The following PSD3 variants were observed in gnomAD, a reference collection of about 807,000 sequenced individuals.
The protein encoded by PSD3 is PH and SEC7 domain-containing protein 3.
A neutral mutation model predicts 105.5 loss-of-function variants in PSD3; 49 were observed. The ratio of observed to expected loss-of-function variants is 0.46; its 90% CI spans 0.37 to 0.59. PSD3 has a LOEUF of 0.59. PSD3 is among the 20% of genes least tolerant of loss of function. The pLI, the probability that PSD3 is intolerant of heterozygous loss-of-function variation, is 0.00. For missense variants in PSD3, 1,561 were observed against 1,263.8 expected (o/e 1.24, Z -3.57); for synonymous variants, 557 against 457.8 (o/e 1.22, Z -2.77).
At chr8:18,543,308 A>G in intron 15 of PSD3, among the ~76,000 whole-genome samples, 1 of 152,034 alleles carries the variant, frequency 6.6e-6, no homozygotes, top group East Asian at 1.9e-4. Context: ...ATCTTCGATT[A>G]TCTGTAAAAA....
chr8:18,708,431 GA>G (rs1347025391), intron 9 of PSD3, among the ~76,000 whole-genome samples: 1 of 150,614 alleles, frequency 6.6e-6, no homozygotes, highest in Non-Finnish European at 1.5e-5. Context: ...GCCTGGGATT[GA>G]AAAAAAAATT....
chr8:18,840,102 T>C (rs1165751829), intron 4 of PSD3, among the ~76,000 whole-genome samples: 1 of 152,178 alleles, frequency 6.6e-6, no homozygotes, highest in East Asian at 1.9e-4. Flanking sequence ...TGTTGTTCTC[T>C]AGGTCTTGAG....
At chr8:18,616,012 C>T (rs1222819192) in intron 11 of PSD3, among the ~76,000 whole-genome samples, 1 of 138,500 alleles carries the variant, frequency 7.2e-6, no homozygotes, top group Non-Finnish European at 1.6e-5. Flanking sequence ...AATCTGTTCT[C>T]CAAGGAATAT....
intron 1 of PSD3, among the ~76,000 whole-genome samples, chr8:18,960,511 C>T (rs1254422060): frequency 6.6e-6 from 1 of 151,966 alleles, no homozygotes; most frequent in Non-Finnish European, 1.5e-5. Flanking sequence ...AAAAACAAAT[C>T]AAGAAAAGAA....
chr8:18,594,829 G>C lies in PSD3; in HGVS notation c.2481+5535C>G, dbSNP rs148788836. Among the ~76,000 whole-genome samples, 250 of 152,140 alleles carry C rather than the reference G, an allele frequency of 1.6e-3. 1 individual carries two copies. Among genetic ancestry groups the C allele is most frequent in the African/African-American group, 5.6e-3 (233 of 41,534 alleles). On this transcript the variant is annotated intron_variant, in intron 12 of 15. Transcript: ENST00000327040. ...GCCTACACATCACTTCATTGGCATAGATTCAACATAGTACTCAGCATGTAG... is the reference window on the plus strand; with the variant it reads ...GCCTACACATCACTTCATTGGCATACATTCAACATAGTACTCAGCATGTAG...
intron 11 of PSD3, among the ~76,000 whole-genome samples, chr8:18,631,741 T>G (rs1391040329): frequency 6.6e-6 from 1 of 151,890 alleles, no homozygotes; most frequent in African/African-American, 2.4e-5. Flanking sequence ...ATTAAGAAAT[T>G]TGTTCAGCAT....
chr8:18,563,650 A>T (rs1319607060), intron 14 of PSD3, among the ~76,000 whole-genome samples: 1 of 152,212 alleles, frequency 6.6e-6, no homozygotes. Flanking sequence ...TAGCTTCCAC[A>T]TGATTTAATT....
chr8:19,018,684 T>G (rs1437315661), upstream of PSD3, among the ~76,000 whole-genome samples: 2 of 152,214 alleles, frequency 1.3e-5, no homozygotes, highest in Non-Finnish European at 2.9e-5. Flanking sequence ...TGTTTGGGCA[T>G]TAAAGATAGA....
chr8:19,019,935 C>T (rs1827309374), intron 1 of PSD3, among the ~76,000 whole-genome samples: 1 of 152,118 alleles, frequency 6.6e-6, no homozygotes, highest in Non-Finnish European at 1.5e-5. Flanking sequence ...AGTAAGTGCA[C>T]AAGAAATGTT....
chr8:19,069,942 CTT>C (rs1159390669), intron 1 of PSD3, among the ~76,000 whole-genome samples: 1 of 100,072 alleles, frequency 1.0e-5, no homozygotes, highest in Non-Finnish European at 2.3e-5. Context: ...AAAAGCTTTT[CTT>C]TTTTCTTTTT....
At chr8:18,717,948 G>A (rs1015944079) in intron 9 of PSD3, among the ~76,000 whole-genome samples, 2 of 152,182 alleles carry the variant, frequency 1.3e-5, no homozygotes, top group East Asian at 3.9e-4. Context: ...CTGGCTCAGT[G>A]GGACTGGTGA....
At position 19,013,656 on chromosome 8, in the gene PSD3, T is replaced by TGCCGGCG. The variant is rs1827063218; in HGVS notation, c.-80_-74dup. 3 of 1,216,208 alleles carry TGCCGGCG rather than the reference T, an allele frequency of 2.5e-6. No homozygotes were observed. Among genetic ancestry groups the TGCCGGCG allele is most frequent in the East Asian group, 3.5e-5 (1 of 28,210 alleles). The allele number at this position is 1,216,208 out of a possible 1,614,324, so 75.3% of individuals were successfully genotyped here. On this transcript the variant is annotated 5_prime_UTR_variant, in exon 1 of 16. Transcript: ENST00000327040. ...CGGGGCCGCAGCCTCAGGGCGCGAG[T>TGCCGGCG]GCCGGCGGCCAGCGCCGCGTGCTCT...
chr8:18,844,068 C>T (rs544619728), intron 4 of PSD3, among the ~76,000 whole-genome samples: 14 of 152,172 alleles, frequency 9.2e-5, no homozygotes, highest in African/African-American at 3.1e-4. Context: ...AGACAGATGT[C>T]CAGCAGCTGG....
At chr8:18,893,736 G>T (rs908123886) in intron 2 of PSD3, among the ~76,000 whole-genome samples, 1 of 142,692 alleles carries the variant, frequency 7.0e-6, no homozygotes, top group Non-Finnish European at 1.6e-5. Context: ...GCAGAGCACA[G>T]TCTGGCCAAC....
At chr8:18,762,505 TC>T (rs1162346307) in intron 9 of PSD3, among the ~76,000 whole-genome samples, 17 of 152,224 alleles carry the variant, frequency 1.1e-4, no homozygotes, top group Non-Finnish European at 2.5e-4. Context: ...CATCACCTCC[TC>T]CCAGCCTTCT....
chr8:18,548,005 CT>C (rs34553315), intron 15 of PSD3, among the ~76,000 whole-genome samples: 1 of 151,990 alleles, frequency 6.6e-6, no homozygotes, highest in Non-Finnish European at 1.5e-5. Context: ...ATTCTTTTTC[CT>C]TTTTTCCCCC....
chr8:18,704,543 G>A (rs964124373), intron 9 of PSD3, among the ~76,000 whole-genome samples: 2 of 152,122 alleles, frequency 1.3e-5, no homozygotes, highest in Non-Finnish European at 2.9e-5. Context: ...TCCCCACGCT[G>A]GCCAGGCTGG....
chr8:18,812,897 C>T (rs948950970), intron 4 of PSD3, among the ~76,000 whole-genome samples: 3 of 152,106 alleles, frequency 2.0e-5, no homozygotes, highest in African/African-American at 4.8e-5. Context: ...CTCTAACACA[C>T]AGGAAGTCAC....
intron 1 of PSD3, among the ~76,000 whole-genome samples, chr8:19,023,043 A>G (rs899162629): frequency 1.3e-5 from 2 of 152,152 alleles, no homozygotes; most frequent in African/African-American, 4.8e-5. Flanking sequence ...CACTGTAGAT[A>G]TATGTGCTCA....
Sources: allele counts gnomAD v4.1 joint callset (sites outside exome capture counted in the v4.1 genomes callset), GRCh38; gene constraint gnomAD v4.1.1; transcripts MANE v1.5; gene names NCBI Gene and HGNC (gene_info 2026-07-23, HGNC 2026-07-21).